The following WASF3 variants were observed in gnomAD, a reference collection of about 807,000 sequenced individuals.
The protein encoded by WASF3 is WASP family member 3.
Under a neutral mutation model 46.6 loss-of-function variants are expected in WASF3, and 11 were observed. The ratio of observed to expected loss-of-function variants is 0.24; its 90% CI spans 0.15 to 0.39. The LOEUF is 0.39. WASF3 is among the 10% of genes least tolerant of loss of function. The pLI is 1.00. For synonymous variants in WASF3, 242 were observed against 259.7 expected (o/e 0.93, Z 0.65); for missense variants, 576 against 669.8 (o/e 0.86, Z 1.55).
chr13:26,564,901 T>G (rs1017254619), intron 1 of WASF3, among the ~76,000 whole-genome samples: 11 of 32,382 alleles, frequency 3.4e-4, no homozygotes, highest in African/African-American at 4.8e-4. Context: ...AAGGTTGTGG[T>G]TTTTTTTTTT....
At chr13:26,677,871 T>G (rs1883112495) in intron 7 of WASF3, among the ~76,000 whole-genome samples, 1 of 152,188 alleles carries the variant, frequency 6.6e-6, no homozygotes, top group African/African-American at 2.4e-5. Flanking sequence ...TCTAAATAAT[T>G]TAGCTATGAT....
chr13:26,577,543 G>T (rs1879839226), intron 1 of WASF3: 7 of 1,328,160 alleles, frequency 5.3e-6, no homozygotes, highest in Non-Finnish European at 7.5e-6. Flanking sequence ...TGCTGAAGAA[G>T]CCCAAGTTTG....
At position 26,557,831 on chromosome 13, in the gene WASF3, C is replaced by T; in HGVS notation, c.-109+12C>T. 3.3e-6 allele frequency: 1 copy of T among 304,732 alleles called. No individual in the cohort carries two copies. The highest frequency in any genetic ancestry group is 5.2e-5 in the East Asian group (1 of 19,074). 18.9% of individuals were successfully genotyped at this position (304,732 alleles called of 1,614,324 possible). ...GGGACCGCGGACCGGTGAGTGAGGG[C>T]TGCGGTCGCCCCGGCTCTCCGCTGT... is the stretch of plus-strand genomic sequence containing the variant. On this transcript the variant is annotated intron_variant, in intron 1 of 9. Transcript: ENST00000335327.
intron 1 of WASF3, among the ~76,000 whole-genome samples, chr13:26,585,460 T>C (rs1880101850): frequency 2.0e-5 from 3 of 152,226 alleles, no homozygotes; most frequent in African/African-American, 4.8e-5. Context: ...AATTTTACTA[T>C]ACTCAGTCAT....
At chr13:26,685,087 CAAA>C (rs57659738) in intron 9 of WASF3, among the ~76,000 whole-genome samples, 1,550 of 134,648 alleles carry the variant, frequency 0.012, 10 homozygotes, top group South Asian at 0.017. Flanking sequence ...GACCCAATCT[CAAA>C]AAAAAAAAAA....
At chr13:26,555,105 G>C (rs1372110757), upstream of WASF3, among the ~76,000 whole-genome samples, 2 of 152,122 alleles carry the variant, frequency 1.3e-5, no homozygotes, top group African/African-American at 4.8e-5. Context: ...ATCCTAGTAG[G>C]TATGTCATAG....
chr13:26,642,378 T>C lies in WASF3; in HGVS notation c.108T>C (p.Ala36=), dbSNP rs370510033. 1.6e-5 allele frequency: 26 copies of C among 1,607,286 alleles called. No individual in the cohort carries two copies. The African/African-American group carries it at 2.1e-4, about 13-fold the overall frequency. The part of the protein sequence containing the change: ...LECVTNSTLA[A]IIRQLSSLSK... ...GTGTAACCAATAGTACTCTTGCCGC[T>C]ATCATACGCCAGCTGAGCAGTCTGA... The change falls in exon 3 of 10, where the codon GCT becomes GCC. Residue 36 remains alanine, a synonymous_variant. Transcript: ENST00000335327.
chr13:26,570,144 C>T (rs377269027), intron 1 of WASF3, among the ~76,000 whole-genome samples: 2 of 151,980 alleles, frequency 1.3e-5, no homozygotes, highest in Non-Finnish European at 2.9e-5. Flanking sequence ...AAAAATTAGC[C>T]GGGTGTCGTG....
chr13:26,540,967 T>G, the WASF3 span, among the ~76,000 whole-genome samples: 1 of 152,156 alleles, frequency 6.6e-6, no homozygotes, highest in Non-Finnish European at 1.5e-5. Context: ...GCAAAAACGG[T>G]CTGGAAAGAT....
At chr13:26,554,079 C>CTTT (rs1227344776), upstream of WASF3, among the ~76,000 whole-genome samples, 201 of 110,888 alleles carry the variant, frequency 1.8e-3, no homozygotes, top group East Asian at 4.1e-3. Context: ...TTCCTTCCTT[C>CTTT]CTTCCTTCCT....
intron 3 of WASF3, among the ~76,000 whole-genome samples, chr13:26,656,470 T>C (rs1489206620): frequency 6.6e-6 from 1 of 152,158 alleles, no homozygotes; most frequent in Non-Finnish European, 1.5e-5. Context: ...AATAATTCAT[T>C]ATTCAAAAAA....
At chr13:26,549,535 C>T in the WASF3 span, among the ~76,000 whole-genome samples, 1 of 152,072 alleles carries the variant, frequency 6.6e-6, no homozygotes, top group African/African-American at 2.4e-5. Context: ...CACAACAGTC[C>T]TTTCTACAAA....
intron 1 of WASF3, among the ~76,000 whole-genome samples, chr13:26,591,310 C>G (rs1880286299): frequency 1.3e-5 from 2 of 152,092 alleles, no homozygotes; most frequent in South Asian, 4.1e-4. Flanking sequence ...GATCCAACTT[C>G]TTTGACAGAA....
At chr13:26,617,548 C>T (rs954031485) in intron 2 of WASF3, among the ~76,000 whole-genome samples, 2 of 152,086 alleles carry the variant, frequency 1.3e-5, no homozygotes, top group Non-Finnish European at 2.9e-5. Flanking sequence ...GTCCAGGCTG[C>T]CTGGGGTTGA....
Position 26,682,943 on chromosome 13 carries a change from T to G in WASF3, c.1320T>G (p.Ala440=), listed in dbSNP as rs765638561. The change falls in exon 9 of 10, where the codon GCT becomes GCG. Residue 440 remains alanine (A), a synonymous_variant. Transcript: ENST00000335327. This position sits in a 1 kb window ranked among gnomAD's most constrained non-coding sequence, Gnocchi z 4.4. ...QEPAQPPISD[A]RSDLLAAIRM... Reference sequence around the variant, plus strand: ...CTGCACAGCCACCAATCAGTGATGCTCGAAGCGACCTCCTCGCTGCTATTC... The same window carrying G: ...CTGCACAGCCACCAATCAGTGATGCGCGAAGCGACCTCCTCGCTGCTATTC... 32 of 1,607,864 alleles carry G rather than the reference T, an allele frequency of 2.0e-5. No homozygotes were observed. In the African/African-American group the frequency reaches 3.1e-4, roughly 15 times the overall value.
chr13:26,650,591 C>T (rs751492023), intron 3 of WASF3, among the ~76,000 whole-genome samples: 50 of 152,058 alleles, frequency 3.3e-4, no homozygotes, highest in Non-Finnish European at 5.9e-4. Flanking sequence ...TAGGTAATGT[C>T]AGAAAGATGG....
At chr13:26,611,108 G>C (rs1355768858) in intron 1 of WASF3, among the ~76,000 whole-genome samples, 1 of 144,664 alleles carries the variant, frequency 6.9e-6, no homozygotes, top group Non-Finnish European at 1.5e-5. Flanking sequence ...CTGGGCTCGT[G>C]ATCTGCCTGC....
In WASF3 at chr13:26,663,859, A is replaced by T. The variant is rs1329092008; in HGVS notation, c.134-1169A>T. The stretch of plus-strand genomic sequence containing the variant: ...TGATAAAAGCAGAGAACTAAAAGTT[A>T]GAAGACCATATTTTTGTTTCATCTA... On this transcript the variant is annotated intron_variant, in intron 3 of 9. Coordinates refer to ENST00000335327, the MANE Select transcript of WASF3 (RefSeq NM_006646.6). Among the ~76,000 whole-genome samples, 45 of 152,216 alleles carry T rather than the reference A, an allele frequency of 3.0e-4. 2 individuals are homozygous for T. The highest frequency in any genetic ancestry group is 1.5e-5 in the Non-Finnish European group (1 of 68,044).
chr13:26,680,347 C>A, intron 7 of WASF3: 1 of 960,970 alleles, frequency 1.0e-6, no homozygotes, highest in Non-Finnish European at 1.5e-6. Flanking sequence ...CACGGCACTG[C>A]CGGGCTGCCA....
Sources: gnomAD v4.1 joint callset for allele counts (sites outside exome capture counted in the v4.1 genomes callset) on GRCh38, gnomAD v4.1.1 for gene constraint, Gnocchi (gnomAD v3.1) non-coding constraint, MANE v1.5 for transcripts, NCBI Gene and HGNC (gene_info 2026-07-23, HGNC 2026-07-21) for gene names.